Variants in TENM3 observed in about 807,000 individuals in gnomAD.
The protein encoded by TENM3 is teneurin-3.
In TENM3, 63 loss-of-function variants were observed where a neutral mutation model predicts 255.1. The observed-to-expected ratio is 0.25, with a 90% CI of 0.20 to 0.30. The LOEUF (loss-of-function observed/expected upper bound fraction) is 0.30, where lower values mean the gene tolerates loss of function less well. TENM3 is among the 10% of genes least tolerant of loss of function. The pLI, the probability that TENM3 is intolerant of heterozygous loss-of-function variation, is 1.00. For synonymous variants in TENM3, 1,306 were observed against 1,322.3 expected, an observed-to-expected ratio of 0.99 and a Z score of 0.27; for missense variants, 2,929 against 3,461.1, an observed-to-expected ratio of 0.85 and a Z score of 3.86.
chr4:181,590,842 A>C, the TENM3 span, among the ~76,000 whole-genome samples: 1 of 152,270 alleles, frequency 6.6e-6, no homozygotes, highest in Non-Finnish European at 1.5e-5. Flanking sequence ...CAATAATAAA[A>C]ATTAACCAGG....
At chr4:181,765,706 A>AC in the TENM3 span, among the ~76,000 whole-genome samples, 1 of 152,152 alleles carries the variant, frequency 6.6e-6, no homozygotes, top group African/African-American at 2.4e-5. Flanking sequence ...CACAATAAAC[A>AC]CTTATATTGC....
At chr4:182,363,929 G>T (rs1383641345) in intron 3 of TENM3, among the ~76,000 whole-genome samples, 1 of 152,064 alleles carries the variant, frequency 6.6e-6, no homozygotes, top group African/African-American at 2.4e-5. Context: ...TGAAATATCA[G>T]TTGCTACAGA....
chr4:181,883,815 G>C, the TENM3 span, among the ~76,000 whole-genome samples: 2 of 152,104 alleles, frequency 1.3e-5, no homozygotes. Flanking sequence ...ACTATAAATA[G>C]AAGTAGAAGA....
the TENM3 span, among the ~76,000 whole-genome samples, chr4:181,941,309 A>G: frequency 2.0e-5 from 2 of 99,700 alleles, no homozygotes; most frequent in Admixed American, 1.7e-4. Flanking sequence ...CTTTTGTTTG[A>G]TGTTTTTTTT....
the TENM3 span, among the ~76,000 whole-genome samples, chr4:181,555,470 A>G: frequency 6.6e-6 from 1 of 152,206 alleles, no homozygotes; most frequent in Admixed American, 6.5e-5. Flanking sequence ...GAAATTTGAA[A>G]TCCAATTTAA....
intron 3 of TENM3, among the ~76,000 whole-genome samples, chr4:182,557,964 C>T (rs1580930233): frequency 6.6e-6 from 1 of 152,194 alleles, no homozygotes; most frequent in Non-Finnish European, 1.5e-5. Context: ...CCCGCTTGAT[C>T]TGATTGATTC....
At chr4:181,938,703 C>T in the TENM3 span, among the ~76,000 whole-genome samples, 1 of 152,258 alleles carries the variant, frequency 6.6e-6, no homozygotes, top group South Asian at 2.1e-4. Context: ...CATTTCGAGC[C>T]CTTTGAGAGT....
chr4:181,753,939 A>G, the TENM3 span, among the ~76,000 whole-genome samples: 1 of 152,156 alleles, frequency 6.6e-6, no homozygotes, highest in Non-Finnish European at 1.5e-5. Context: ...GGGGGGAGTT[A>G]ATAGAATTTG....
chr4:182,594,737 C>T (rs993113909), intron 3 of TENM3, among the ~76,000 whole-genome samples: 2 of 137,274 alleles, frequency 1.5e-5, no homozygotes, highest in Non-Finnish European at 3.1e-5. Flanking sequence ...TGTGTTTTCC[C>T]GAGATGGAGT....
chr4:181,527,086 C>A, the TENM3 span, among the ~76,000 whole-genome samples: 1 of 152,006 alleles, frequency 6.6e-6, no homozygotes, highest in Non-Finnish European at 1.5e-5. Context: ...CCAGTCAGTG[C>A]TGTTGTGTTT....
At chr4:182,074,606 A>C in the TENM3 span, among the ~76,000 whole-genome samples, 1 of 152,212 alleles carries the variant, frequency 6.6e-6, no homozygotes, top group Non-Finnish European at 1.5e-5. Context: ...CTTAAGCAAG[A>C]AAGAAAGATG....
intron 3 of TENM3, among the ~76,000 whole-genome samples, chr4:182,482,163 GA>G: frequency 6.6e-6 from 1 of 152,218 alleles, no homozygotes; most frequent in Middle Eastern, 3.4e-3. Flanking sequence ...TAAATTCAGT[GA>G]TTTTCATTGA....
At chr4:182,794,286 A>G (rs1020690939) in intron 26 of TENM3, among the ~76,000 whole-genome samples, 12 of 152,242 alleles carry the variant, frequency 7.9e-5, no homozygotes, top group African/African-American at 2.9e-4. Context: ...TAACTATAAA[A>G]TTGGGATAAT....
chr4:182,081,301 G>T, the TENM3 span, among the ~76,000 whole-genome samples: 3 of 152,060 alleles, frequency 2.0e-5, no homozygotes, highest in Admixed American at 6.6e-5. Context: ...CTCAGGCCAG[G>T]TGTGGTGGCT....
At chr4:182,449,681 G>T (rs1375812723) in intron 3 of TENM3, among the ~76,000 whole-genome samples, 2 of 152,158 alleles carry the variant, frequency 1.3e-5, no homozygotes, top group African/African-American at 4.8e-5. Flanking sequence ...ATTGCTTAAT[G>T]GGGGAAAAGG....
At chr4:181,954,172 G>A in the TENM3 span, among the ~76,000 whole-genome samples, 1 of 151,998 alleles carries the variant, frequency 6.6e-6, no homozygotes, top group Non-Finnish European at 1.5e-5. Context: ...CTTTATATTT[G>A]TTGATGAATA....
intron 1 of TENM3, among the ~76,000 whole-genome samples, chr4:182,151,989 TATG>T (rs1431728573): frequency 6.6e-6 from 1 of 152,034 alleles, no homozygotes; most frequent in African/African-American, 2.4e-5. Flanking sequence ...GGCTGAATTT[TATG>T]ATGGTATCAG....
chr4:182,587,317 C>G (rs1746119917), intron 3 of TENM3, among the ~76,000 whole-genome samples: 1 of 152,112 alleles, frequency 6.6e-6, no homozygotes, highest in South Asian at 2.1e-4. Context: ...CCTGTAATCC[C>G]AGCACTTTGG....
chr4:181,654,004 A>T, the TENM3 span, among the ~76,000 whole-genome samples: 1 of 151,888 alleles, frequency 6.6e-6, no homozygotes, highest in Non-Finnish European at 1.5e-5. Context: ...ATTCCCAGCC[A>T]GTCAGGCTGG....
Sources: gnomAD v4.1 joint callset for allele counts (sites outside exome capture counted in the v4.1 genomes callset) on GRCh38, gnomAD v4.1.1 for gene constraint, MANE v1.5 for transcripts, NCBI Gene and HGNC (gene_info 2026-07-23, HGNC 2026-07-21) for gene names.